The following DCTD variants were observed in gnomAD, a reference collection of about 807,000 sequenced individuals.
The protein encoded by DCTD is deoxycytidylate deaminase.
Under a neutral mutation model 21.0 loss-of-function variants are expected in DCTD, and 23 were observed. The ratio of observed to expected loss-of-function variants is 1.09; its 90% CI spans 0.79 to 1.55. The LOEUF (loss-of-function observed/expected upper bound fraction) is 1.55, where lower values mean the gene tolerates loss of function less well. Among genes scored for constraint, DCTD ranks in the 40% most tolerant of loss-of-function variants. The pLI is 0.00. For missense variants in DCTD, 224 were observed against 230.0 expected, an observed-to-expected ratio of 0.97 and a Z score of 0.17; for synonymous variants, 71 against 81.1, an observed-to-expected ratio of 0.88 and a Z score of 0.67.
At chr4:182,897,304 A>G (rs1002932861) in intron 3 of DCTD, among the ~76,000 whole-genome samples, 10 of 150,138 alleles carry the variant, frequency 6.7e-5, no homozygotes, top group Non-Finnish European at 1.5e-4. Flanking sequence ...AAATATATAT[A>G]TATGAATATT....
chr4:182,905,326 CTT>C (rs70956544), intron 3 of DCTD, among the ~76,000 whole-genome samples: 85 of 121,530 alleles, frequency 7.0e-4, no homozygotes, highest in East Asian at 9.8e-4. Context: ...AGCCCGCCTT[CTT>C]TTTTTTTTTT....
intron 1 of DCTD, chr4:182,916,002 T>A: frequency 2.1e-6 from 1 of 467,900 alleles, no homozygotes; most frequent in Non-Finnish European, 2.9e-6. Context: ...CAAGCCTTAC[T>A]CCTAGCTAAG....
chr4:182,914,916 G>T lies in DCTD; in HGVS notation c.244+7C>A, dbSNP rs759263706. 2 of 1,614,182 alleles carry T rather than the reference G, an allele frequency of 1.2e-6. No individual in the cohort carries two copies. The highest frequency in any genetic ancestry group is 2.2e-5 in the South Asian group (2 of 91,076). ...CTAAGCAGAATGGGACATAAAACTT[G>T]CCCTACCGTACGGGTATTTGGTGTC... On this transcript the variant is annotated splice_region_variant and intron_variant, in intron 3 of 5. Transcript: ENST00000438320.
intron 3 of DCTD, among the ~76,000 whole-genome samples, chr4:182,898,826 A>C (rs1017421831): frequency 1.3e-5 from 2 of 152,220 alleles, no homozygotes; most frequent in Non-Finnish European, 2.9e-5. Context: ...TGTAAGGCAT[A>C]CATAATCCCC....
intron 3 of DCTD, among the ~76,000 whole-genome samples, chr4:182,897,980 T>G (rs1041444356): frequency 2.0e-5 from 3 of 152,238 alleles, no homozygotes; most frequent in African/African-American, 7.2e-5. Flanking sequence ...CTTTTGGGCC[T>G]GTCCTGAGGA....
intron 4 of DCTD, among the ~76,000 whole-genome samples, chr4:182,894,121 T>C (rs1337751825): frequency 6.6e-6 from 1 of 152,238 alleles, no homozygotes; most frequent in Non-Finnish European, 1.5e-5. Context: ...AAATTTCATA[T>C]ACAGACTCCC....
chr4:182,914,786 T>C (rs1406643709), intron 3 of DCTD, 137 bp downstream of exon 3: 3 of 951,512 alleles, frequency 3.2e-6, no homozygotes, highest in Admixed American at 2.5e-5. Flanking sequence ...GGCCAGGAAA[T>C]TGGGGTAGTT....
intron 3 of DCTD, among the ~76,000 whole-genome samples, chr4:182,911,794 C>T (rs1031982456): frequency 6.6e-5 from 10 of 152,150 alleles, no homozygotes; most frequent in Non-Finnish European, 1.3e-4. Context: ...TACATAAATG[C>T]TATCCAATTA....
chr4:182,911,260 G>A (rs1737617155), intron 3 of DCTD: 2 of 152,178 alleles, frequency 1.3e-5, no homozygotes. Context: ...ATTCAGGAGA[G>A]CTCCACCCTC....
At chr4:182,904,139 C>T (rs1158787622) in intron 3 of DCTD, among the ~76,000 whole-genome samples, 4 of 152,138 alleles carry the variant, frequency 2.6e-5, no homozygotes, top group South Asian at 2.1e-4. Context: ...TGACAACTCA[C>T]GGCACCCAGG....
At chr4:182,898,683 C>T (rs1047809855) in intron 3 of DCTD, among the ~76,000 whole-genome samples, 4 of 152,156 alleles carry the variant, frequency 2.6e-5, no homozygotes, top group African/African-American at 7.2e-5. Context: ...TGTAAGCATG[C>T]ATACTTAGTC....
rs548073020 is a variant in DCTD at position 182,899,399 on chromosome 4, C to CT, written c.245-4795dup. Among the ~76,000 whole-genome samples, 620 of 144,356 alleles carry CT rather than the reference C, an allele frequency of 4.3e-3. 11 individuals are homozygous for CT. Among genetic ancestry groups the CT allele is most frequent in the East Asian group, 5.2e-3 (26 of 5,034 alleles). The allele number at this position is 144,356 out of a possible 152,430, so 94.7% of individuals were successfully genotyped here. On this transcript the variant is annotated intron_variant, in intron 3 of 5. Transcript: ENST00000438320. ...TCCCATAGTCACTGCCCTTTTTTTT[C>CT]TTTTTCTTTTTTTTTTAGATGGAGT...
intron 3 of DCTD, among the ~76,000 whole-genome samples, chr4:182,902,330 C>T (rs187670890): frequency 2.0e-4 from 31 of 152,342 alleles, no homozygotes; most frequent in African/African-American, 7.0e-4. Context: ...TATCTTATCT[C>T]TCCTGCATGA....
At chr4:182,896,274 G>A (rs1734718724) in intron 3 of DCTD, among the ~76,000 whole-genome samples, 1 of 152,250 alleles carries the variant, frequency 6.6e-6, no homozygotes, top group Non-Finnish European at 1.5e-5. Flanking sequence ...TTCGGGTGCA[G>A]CTGCAGCTAC....
rs145192813 is a variant in DCTD at position 182,898,262 on chromosome 4, T to A, written c.245-3657A>T. Among the ~76,000 whole-genome samples, 32 of 152,256 alleles carry A rather than the reference T, an allele frequency of 2.1e-4. 1 individual carries two copies. The highest frequency in any genetic ancestry group is 1.2e-3 in the Admixed American group (19 of 15,294). On this transcript the variant is annotated intron_variant, in intron 3 of 5. Transcript: ENST00000438320. ...CCAGACCACCACAGGCCAAGCATCC[T>A]CCCCTCTGTACTCTCCACCTCTGCC...
At chr4:182,895,547 C>T (rs953405227) in intron 3 of DCTD, among the ~76,000 whole-genome samples, 1 of 152,178 alleles carries the variant, frequency 6.6e-6, no homozygotes, top group African/African-American at 2.4e-5. Context: ...AACACACACC[C>T]CAGAGGTCCA....
chr4:182,913,844 A>C (rs1179389349), intron 3 of DCTD, among the ~76,000 whole-genome samples: 1 of 152,194 alleles, frequency 6.6e-6, no homozygotes, highest in Non-Finnish European at 1.5e-5. Flanking sequence ...CTCCCAGGCA[A>C]TCTCTGAAGG....
At chr4:182,898,018 C>A (rs1332106370) in intron 3 of DCTD, among the ~76,000 whole-genome samples, 1 of 152,252 alleles carries the variant, frequency 6.6e-6, no homozygotes, top group Non-Finnish European at 1.5e-5. Flanking sequence ...CCTCAGCCCC[C>A]AGACTGTCCT....
chr4:182,906,338 T>C (rs769614657), intron 3 of DCTD, among the ~76,000 whole-genome samples: 5 of 152,168 alleles, frequency 3.3e-5, no homozygotes, highest in Non-Finnish European at 5.9e-5. Flanking sequence ...ATCATATCTG[T>C]TTGTTTCATT....
Sources: gnomAD v4.1 joint callset for allele counts (sites outside exome capture counted in the v4.1 genomes callset) on GRCh38, gnomAD v4.1.1 for gene constraint, MANE v1.5 for transcripts, NCBI Gene and HGNC (gene_info 2026-07-23, HGNC 2026-07-21) for gene names.